Variants in SUFU observed in about 807,000 individuals in gnomAD.
The protein encoded by SUFU is suppressor of fused homolog.
A neutral mutation model predicts 58.9 loss-of-function variants in SUFU; 7 were observed. The ratio of observed to expected loss-of-function variants is 0.12; its 90% CI spans 0.07 to 0.22. SUFU has a LOEUF of 0.22. SUFU is among the 10% of genes least tolerant of loss of function. SUFU has a pLI of 1.00. For synonymous variants in SUFU, 232 were observed against 254.8 expected, an observed-to-expected ratio of 0.91 and a Z score of 0.85; for missense variants, 451 against 641.3, an observed-to-expected ratio of 0.70 and a Z score of 3.20.
chr10:102,603,985 T>C (rs950147895), intron 8 of SUFU, among the ~76,000 whole-genome samples: 4 of 152,206 alleles, frequency 2.6e-5, no homozygotes, highest in African/African-American at 4.8e-5. Flanking sequence ...TGAGTTTCCA[T>C]CTGGGGAAAC....
At position 102,594,851 on chromosome 10, in the gene SUFU, T is replaced by TG. The variant is rs550400735; in HGVS notation, c.756+787dup. ...CTCCTGCCTCAGCCTCCCGAGTAGCTGAGATTACAGGCGCCCACCACCACG... is the reference window on the plus strand; with the variant it reads ...CTCCTGCCTCAGCCTCCCGAGTAGCTGGAGATTACAGGCGCCCACCACCACG... On this transcript the variant is annotated intron_variant, in intron 6 of 11. Coordinates refer to ENST00000369902, the MANE Select transcript of SUFU (RefSeq NM_016169.4). 3.1e-3 allele frequency among the ~76,000 whole-genome samples: 478 copies of TG among 152,268 alleles called. 2 individuals are homozygous for TG. Among genetic ancestry groups the TG allele is most frequent in the Non-Finnish European group, 5.1e-3 (347 of 68,016 alleles).
intron 9 of SUFU, among the ~76,000 whole-genome samples, chr10:102,616,695 T>C (rs2063690181): frequency 6.6e-6 from 1 of 152,196 alleles, no homozygotes; most frequent in African/African-American, 2.4e-5. Flanking sequence ...AACAGTAACT[T>C]CTGTGGCTCC....
chr10:102,588,309 C>T (rs1436028568), intron 3 of SUFU, among the ~76,000 whole-genome samples: 8 of 150,106 alleles, frequency 5.3e-5, no homozygotes, highest in Non-Finnish European at 1.2e-4. Flanking sequence ...AGGAGAACGG[C>T]GTGAACCTGG....
At chr10:102,525,643 C>T (rs1309617798) in intron 2 of SUFU, among the ~76,000 whole-genome samples, 2 of 151,848 alleles carry the variant, frequency 1.3e-5, no homozygotes, top group African/African-American at 2.4e-5. Context: ...GCTGGGATTA[C>T]AGGCACGCAG....
intron 3 of SUFU, among the ~76,000 whole-genome samples, chr10:102,590,159 T>C (rs1564695581): frequency 4.8e-5 from 4 of 83,104 alleles, no homozygotes; most frequent in African/African-American, 2.0e-4. Context: ...TTTTCTTTTT[T>C]CTTTTTTTTT....
chr10:102,606,878 C>T (rs963445554), intron 8 of SUFU, among the ~76,000 whole-genome samples: 6 of 152,010 alleles, frequency 3.9e-5, no homozygotes, highest in East Asian at 1.9e-4. Flanking sequence ...AAGGAGAATC[C>T]GGGGTGAATG....
At chr10:102,578,586 T>C (rs1289198209) in intron 3 of SUFU, among the ~76,000 whole-genome samples, 1 of 151,828 alleles carries the variant, frequency 6.6e-6, no homozygotes, top group Non-Finnish European at 1.5e-5. Flanking sequence ...CGCGTGCCTA[T>C]AGTCCCAGGT....
intron 1 of SUFU, among the ~76,000 whole-genome samples, chr10:102,504,856 G>C (rs543055359): frequency 2.2e-4 from 33 of 152,162 alleles, no homozygotes; most frequent in African/African-American, 7.5e-4. Context: ...ATGAGGGCCT[G>C]GTGCTTGTGG....
chr10:102,622,795 G>C (rs1254901028), intron 10 of SUFU, among the ~76,000 whole-genome samples: 1 of 150,394 alleles, frequency 6.6e-6, no homozygotes, highest in Non-Finnish European at 1.5e-5. Context: ...CTCCAGCCTG[G>C]GTGACAGAGT....
intron 1 of SUFU, 22 bp from the exon 2 acceptor site, chr10:102,509,147 C>T (rs775720083): frequency 7.4e-6 from 12 of 1,613,526 alleles, no homozygotes; most frequent in Non-Finnish European, 5.9e-6. Context: ...ACACTAACAC[C>T]CCTGTGTTTT....
At chr10:102,601,465 A>C (rs1323841128) in intron 8 of SUFU, among the ~76,000 whole-genome samples, 2 of 152,178 alleles carry the variant, frequency 1.3e-5, no homozygotes, top group African/African-American at 4.8e-5. Flanking sequence ...AATAGATTCG[A>C]GGTGCCGGGG....
At chr10:102,559,870 C>G (rs948843190) in intron 3 of SUFU, among the ~76,000 whole-genome samples, 2 of 152,200 alleles carry the variant, frequency 1.3e-5, no homozygotes, top group Non-Finnish European at 1.5e-5. Flanking sequence ...ACGTATCTCC[C>G]CAACCTTGTA....
Position 102,532,661 on chromosome 10 carries a change from A to C in SUFU, c.318-17309A>C, listed in dbSNP as rs554618801. Among the ~76,000 whole-genome samples, 3 of 152,208 alleles carry C rather than the reference A, an allele frequency of 2.0e-5. No homozygotes were observed. In the South Asian group the frequency reaches 6.2e-4, roughly 31 times the overall value. On this transcript the variant is annotated intron_variant, in intron 2 of 11. Coordinates refer to ENST00000369902, the MANE Select transcript of SUFU (RefSeq NM_016169.4). ...AGATACTCAGAGAAGGTGACACCTG[A>C]GCCTTCCTGAAGATGAGCAGAGGGC...
intron 3 of SUFU, among the ~76,000 whole-genome samples, chr10:102,564,660 A>G (rs967615692): frequency 2.0e-5 from 3 of 152,160 alleles, no homozygotes; most frequent in Non-Finnish European, 4.4e-5. Flanking sequence ...GGTTTCGCTA[A>G]GCTGCCTATT....
At chr10:102,528,840 G>T (rs915742245) in intron 2 of SUFU, among the ~76,000 whole-genome samples, 2 of 152,208 alleles carry the variant, frequency 1.3e-5, no homozygotes, top group African/African-American at 2.4e-5. Context: ...GGGGTATAGC[G>T]CAAAGAAAGC....
At chr10:102,525,423 A>G (rs2062598804) in intron 2 of SUFU, among the ~76,000 whole-genome samples, 1 of 152,092 alleles carries the variant, frequency 6.6e-6, no homozygotes, top group Non-Finnish European at 1.5e-5. Flanking sequence ...ACCTTGCTTT[A>G]TGAGGTGAGG....
intron 3 of SUFU, among the ~76,000 whole-genome samples, chr10:102,569,501 A>G (rs947297098): frequency 6.6e-6 from 1 of 152,214 alleles, no homozygotes; most frequent in Non-Finnish European, 1.5e-5. Context: ...CTCACAACTC[A>G]GTCCCTTCTC....
At chr10:102,607,395 A>G (rs1349730142) in intron 8 of SUFU, among the ~76,000 whole-genome samples, 1 of 152,236 alleles carries the variant, frequency 6.6e-6, no homozygotes, top group East Asian at 1.9e-4. Flanking sequence ...ATAGAAAACT[A>G]AGACAGGTAT....
At chr10:102,560,820 G>A (rs189502212) in intron 3 of SUFU, among the ~76,000 whole-genome samples, 14 of 151,772 alleles carry the variant, frequency 9.2e-5, no homozygotes, top group Middle Eastern at 6.8e-3. Flanking sequence ...GTACATCTTT[G>A]TATTCTTACC....
Sources: gnomAD v4.1 joint callset for allele counts (sites outside exome capture counted in the v4.1 genomes callset) on GRCh38, gnomAD v4.1.1 for gene constraint, MANE v1.5 for transcripts, NCBI Gene and HGNC (gene_info 2026-07-23, HGNC 2026-07-21) for gene names.